CRYL1: variants seen among roughly 807,000 people sequenced by gnomAD.
The protein encoded by CRYL1 is lambda-crystallin homolog.
A neutral mutation model predicts 36.6 loss-of-function variants in CRYL1; 29 were observed. The ratio of observed to expected loss-of-function variants is 0.79; its 90% CI spans 0.59 to 1.08. The LOEUF (loss-of-function observed/expected upper bound fraction) is 1.08, where lower values mean the gene tolerates loss of function less well. Among genes scored for constraint, CRYL1 ranks in the 50% least tolerant of loss-of-function variants. The pLI is 0.00. For synonymous variants in CRYL1, 152 were observed against 151.5 expected (o/e 1.00, Z -0.02); for missense variants, 411 against 407.9 (o/e 1.01, Z -0.06).
chr13:20,434,246 T>C (rs1415534342), intron 4 of CRYL1, among the ~76,000 whole-genome samples: 1 of 152,200 alleles, frequency 6.6e-6, no homozygotes, highest in African/African-American at 2.4e-5. Context: ...AAGTGTGAAC[T>C]TGGGGAGCTT....
At chr13:20,518,470 G>T (rs1344473274) in intron 1 of CRYL1, among the ~76,000 whole-genome samples, 1 of 152,108 alleles carries the variant, frequency 6.6e-6, no homozygotes, top group Non-Finnish European at 1.5e-5. Flanking sequence ...CTGGAGGGGC[G>T]GTGGGGGGAG....
At chr13:20,460,795 G>A (rs9579863) in intron 3 of CRYL1, among the ~76,000 whole-genome samples, 3,928 of 152,234 alleles carry the variant, frequency 0.026, 164 homozygotes, top group African/African-American at 0.088. Flanking sequence ...AAAGTGCTGG[G>A]ATTACAGACG....
intron 5 of CRYL1, chr13:20,418,337 G>A (rs2031721842): frequency 6.6e-6 from 1 of 152,120 alleles, no homozygotes. Context: ...GGGAGAAGAG[G>A]AAGCAAGACA....
chr13:20,441,730 T>C (rs750451016), intron 3 of CRYL1, among the ~76,000 whole-genome samples: 4 of 152,248 alleles, frequency 2.6e-5, no homozygotes, highest in Non-Finnish European at 5.9e-5. Context: ...ATACTAATAG[T>C]TAATATCTAA....
At chr13:20,501,437 A>G (rs2033702579) in intron 2 of CRYL1, among the ~76,000 whole-genome samples, 1 of 152,190 alleles carries the variant, frequency 6.6e-6, no homozygotes, top group Non-Finnish European at 1.5e-5. Context: ...GTATGACTCC[A>G]TGTATAATGC....
At chr13:20,464,220 C>T (rs1338951335) in intron 3 of CRYL1, among the ~76,000 whole-genome samples, 1 of 151,946 alleles carries the variant, frequency 6.6e-6, no homozygotes, top group African/African-American at 2.4e-5. Flanking sequence ...ATGGTGAAAC[C>T]CTATCTCTAC....
chr13:20,472,334 A>G (rs1401916935), intron 3 of CRYL1, among the ~76,000 whole-genome samples: 1 of 152,190 alleles, frequency 6.6e-6, no homozygotes, highest in African/African-American at 2.4e-5. Flanking sequence ...AAATATGTAC[A>G]TGTTCAGCAC....
chr13:20,471,308 C>G (rs113956933), intron 3 of CRYL1, among the ~76,000 whole-genome samples: 1 of 152,064 alleles, frequency 6.6e-6, no homozygotes. Context: ...CGCGGTGGCT[C>G]ACGCCTGTAA....
At chr13:20,424,886 A>G (rs183043237) in intron 5 of CRYL1, among the ~76,000 whole-genome samples, 1 of 152,228 alleles carries the variant, frequency 6.6e-6, no homozygotes, top group African/African-American at 2.4e-5. Context: ...TTAAAAAAAA[A>G]TCCTAAACTC....
chr13:20,520,618 C>G (rs1469708201), intron 1 of CRYL1, among the ~76,000 whole-genome samples: 1 of 152,186 alleles, frequency 6.6e-6, no homozygotes, highest in Non-Finnish European at 1.5e-5. Flanking sequence ...AGAGGACCAA[C>G]AGCAGACCGC....
chr13:20,465,156 G>C (rs1269568953), intron 3 of CRYL1, among the ~76,000 whole-genome samples: 4 of 152,218 alleles, frequency 2.6e-5, no homozygotes, highest in African/African-American at 9.6e-5. Flanking sequence ...TCCAGCTTAA[G>C]GGATATCAGA....
At chr13:20,463,205 C>A (rs1312614189) in intron 3 of CRYL1, among the ~76,000 whole-genome samples, 3 of 152,168 alleles carry the variant, frequency 2.0e-5, no homozygotes, top group Admixed American at 6.5e-5. Context: ...AATAAACATG[C>A]TTTTATCTCT....
chr13:20,487,860 G>T (rs143317209), intron 3 of CRYL1, among the ~76,000 whole-genome samples: 1 of 152,202 alleles, frequency 6.6e-6, no homozygotes, highest in Middle Eastern at 3.4e-3. Context: ...CCAGCACTTC[G>T]AGAGGCCAAG....
intron 2 of CRYL1, among the ~76,000 whole-genome samples, chr13:20,493,921 C>T (rs1182223512): frequency 1.3e-5 from 2 of 152,164 alleles, no homozygotes; most frequent in African/African-American, 2.4e-5. Flanking sequence ...AAGATGCAGC[C>T]GCAGAGATGG....
At chr13:20,475,151 C>T (rs2033139935) in intron 3 of CRYL1, among the ~76,000 whole-genome samples, 1 of 152,142 alleles carries the variant, frequency 6.6e-6, no homozygotes, top group Non-Finnish European at 1.5e-5. Flanking sequence ...AAGGAGCAGA[C>T]AACTGGACAG....
At position 20,425,126 on chromosome 13, in the gene CRYL1, G is replaced by A. The variant is rs937294309; in HGVS notation, c.633+6976C>T. 2.0e-5 allele frequency among the ~76,000 whole-genome samples: 3 copies of A among 152,202 alleles called. No individual in the cohort carries two copies. Among genetic ancestry groups the A allele is most frequent in the African/African-American group, 7.2e-5 (3 of 41,446 alleles). On this transcript the variant is annotated intron_variant, in intron 5 of 7. Transcript: ENST00000298248. This position sits in a 1 kb window ranked among gnomAD's most constrained non-coding sequence, Gnocchi z 4.4. Reference sequence around the variant, plus strand: ...ACACATTCCAGGTGCACCACAGTCTGAAGCAAACCACAGCAATTCACTTCC... The same window carrying A: ...ACACATTCCAGGTGCACCACAGTCTAAAGCAAACCACAGCAATTCACTTCC...
At chr13:20,456,228 C>T (rs913636465) in intron 3 of CRYL1, among the ~76,000 whole-genome samples, 3 of 152,146 alleles carry the variant, frequency 2.0e-5, no homozygotes, top group African/African-American at 7.2e-5. Flanking sequence ...AATCCCAGAA[C>T]TTTGAGAGGC....
intron 5 of CRYL1, among the ~76,000 whole-genome samples, chr13:20,427,680 G>A: frequency 6.8e-6 from 1 of 146,622 alleles, no homozygotes. Flanking sequence ...GTGAGTGAGT[G>A]AGACTGAAAA....
intron 6 of CRYL1, among the ~76,000 whole-genome samples, chr13:20,408,308 A>G (rs2031431056): frequency 6.6e-6 from 1 of 152,170 alleles, no homozygotes; most frequent in African/African-American, 2.4e-5. Context: ...CCCACCAGCC[A>G]CCAGGCATCT....
Sources: allele counts gnomAD v4.1 joint callset (sites outside exome capture counted in the v4.1 genomes callset), GRCh38; gene constraint gnomAD v4.1.1; non-coding constraint Gnocchi (gnomAD v3.1); transcripts MANE v1.5; gene names NCBI Gene and HGNC (gene_info 2026-07-23, HGNC 2026-07-21).